MMAB: variants seen among roughly 807,000 people sequenced by gnomAD.
The protein encoded by MMAB is corrinoid adenosyltransferase MMAB.
A neutral mutation model predicts 30.6 loss-of-function variants in MMAB; 17 were observed. That is an observed-to-expected ratio of 0.56 (90% CI 0.38 to 0.83). The LOEUF (loss-of-function observed/expected upper bound fraction) is 0.83, where lower values mean the gene tolerates loss of function less well. MMAB is among the 40% of genes least tolerant of loss of function. MMAB has a pLI of 0.00. For missense variants in MMAB, 311 were observed against 331.6 expected (o/e 0.94, Z 0.48); for synonymous variants, 134 against 138.6 (o/e 0.97, Z 0.23).
chr12:109,564,971 C>A, intron 4 of MMAB, 148 bp downstream of exon 4: 1 of 780,662 alleles, frequency 1.3e-6, no homozygotes, highest in Admixed American at 1.7e-5. Flanking sequence ...CCTGGCCTGT[C>A]CGCATTTTAC....
Position 109,554,313 on chromosome 12 carries a change from G to A in MMAB, c.*2715C>T, listed in dbSNP as rs1284368180. On this transcript the variant is annotated 3_prime_UTR_variant, in exon 9 of 9. Transcript: ENST00000545712. ...CGGGCTGGTGTCACTGTGACTGTGG[G>A]CTTCTCTCTGACACAAGAGCCAACT... The A allele has an allele frequency of 8.8e-6, 4 of 453,962 alleles. No individual in the cohort carries two copies. Among genetic ancestry groups the A allele is most frequent in the South Asian group, 4.7e-5 (3 of 64,482 alleles). The allele number at this position is 453,962 out of a possible 1,614,324, so 28.1% of individuals were successfully genotyped here.
chr12:109,568,870 A>T lies in MMAB; in HGVS notation c.197-7T>A, dbSNP rs1884534638. Reference sequence around the variant, plus strand: ...GTGAAGGTACTAGAAAACCCTGTGGAAAAAAATGTTTAGCCACCCAAATTA... The same window carrying T: ...GTGAAGGTACTAGAAAACCCTGTGGTAAAAAATGTTTAGCCACCCAAATTA... On this transcript the variant is annotated splice_polypyrimidine_tract_variant and splice_region_variant and intron_variant, in intron 2 of 8. Coordinates refer to ENST00000545712, the MANE Select transcript of MMAB (RefSeq NM_052845.4). The T allele has an allele frequency of 6.2e-7, 1 of 1,603,358 alleles. No homozygotes were observed. The highest frequency in any genetic ancestry group is 8.5e-7 in the Non-Finnish European group (1 of 1,170,394).
intron 2 of MMAB, among the ~76,000 whole-genome samples, chr12:109,570,619 C>T (rs557280876): frequency 6.6e-6 from 1 of 152,186 alleles, no homozygotes; most frequent in African/African-American, 2.4e-5. Flanking sequence ...CCTGTAATCC[C>T]AGCATTTTGG....
At chr12:109,557,835 G>A (rs1001213714) in intron 8 of MMAB, among the ~76,000 whole-genome samples, 2 of 152,138 alleles carry the variant, frequency 1.3e-5, no homozygotes, top group African/African-American at 4.8e-5. Context: ...CCAGAGCCCA[G>A]CCCCTTTCCC....
chr12:109,564,083 C>T (rs1187617355), intron 4 of MMAB, among the ~76,000 whole-genome samples: 2 of 152,222 alleles, frequency 1.3e-5, no homozygotes, highest in South Asian at 4.1e-4. Context: ...CGGGCATGAG[C>T]GAGGCACTTC....
chr12:109,556,357 C>T lies in MMAB; in HGVS notation c.*671G>A, dbSNP rs1238302427. On this transcript the variant is annotated 3_prime_UTR_variant, in exon 9 of 9. Transcript: ENST00000545712. Reference sequence around the variant, plus strand: ...GGTAGTGTTGTTCTCATCAGCATCTCCATCCCTTTCAGAGGGGGTCCTCTA... The same window carrying T: ...GGTAGTGTTGTTCTCATCAGCATCTTCATCCCTTTCAGAGGGGGTCCTCTA... 6.6e-6 allele frequency: 3 copies of T among 453,980 alleles called. No individual in the cohort carries two copies. In the Admixed American group the frequency reaches 7.0e-5, roughly 11 times the overall value. 28.1% of individuals were successfully genotyped at this position (453,980 alleles called of 1,614,324 possible).
chr12:109,568,558 C>A, intron 3 of MMAB: 1 of 629,524 alleles, frequency 1.6e-6, no homozygotes, highest in Non-Finnish European at 2.8e-6. Context: ...GGCCAGAGGC[C>A]AGCGCAGGCA....
rs904409660 is a variant in MMAB at position 109,561,401 on chromosome 12, A to T, written c.519+19T>A. The stretch of plus-strand genomic sequence containing the variant: ...AACCTGCCTGCAGCCGCCCCCGGTT[A>T]AGCCTGCCCAGTACCTACAGGCAGG... On this transcript the variant is annotated intron_variant, in intron 6 of 8. Transcript: ENST00000545712. This position sits in a 1 kb window ranked among gnomAD's most constrained non-coding sequence, Gnocchi z 5.3. 2.1e-5 allele frequency: 32 copies of T among 1,549,324 alleles called. No individual in the cohort carries two copies. Among genetic ancestry groups the T allele is most frequent in the Non-Finnish European group, 3.5e-6 (4 of 1,146,162 alleles).
At chr12:109,564,117 GC>G (rs1436212632) in intron 4 of MMAB, among the ~76,000 whole-genome samples, 1 of 152,216 alleles carries the variant, frequency 6.6e-6, no homozygotes, top group African/African-American at 2.4e-5. Flanking sequence ...CAGCCTCGGT[GC>G]TATTGCCATT....
chr12:109,567,766 G>A (rs1296927886), intron 3 of MMAB: 3 of 152,064 alleles, frequency 2.0e-5, no homozygotes, highest in African/African-American at 7.3e-5. Flanking sequence ...TGAGTAGCTG[G>A]GACTACAGGT....
chr12:109,567,893 C>T (rs1453308434), intron 3 of MMAB: 1 of 152,182 alleles, frequency 6.6e-6, no homozygotes, highest in Admixed American at 6.5e-5. Context: ...CCACCTCGGC[C>T]TCCCAAAGCG....
chr12:109,554,583 G>C lies in MMAB; in HGVS notation c.*2445C>G. ...CAAAACCCCGTGTTCCCGTGCAATGGGACTGATTGTTTCTGAGAGTTGCCA... is the reference window on the plus strand; with the variant it reads ...CAAAACCCCGTGTTCCCGTGCAATGCGACTGATTGTTTCTGAGAGTTGCCA... On this transcript the variant is annotated 3_prime_UTR_variant, in exon 9 of 9. Coordinates refer to ENST00000545712, the MANE Select transcript of MMAB (RefSeq NM_052845.4). 1 of 454,120 alleles carries C rather than the reference G, an allele frequency of 2.2e-6. No homozygotes were observed. Among genetic ancestry groups the C allele is most frequent in the South Asian group, 1.6e-5 (1 of 64,476 alleles). The allele number at this position is 454,120 out of a possible 1,614,324, so 28.1% of individuals were successfully genotyped here.
At position 109,561,256 on chromosome 12, in the gene MMAB, C is replaced by T; in HGVS notation, c.520-152G>A. 1 of 1,587,952 alleles carries T rather than the reference C, an allele frequency of 6.3e-7. No homozygotes were observed. Among genetic ancestry groups the T allele is most frequent in the Non-Finnish European group, 8.5e-7 (1 of 1,174,738 alleles). On this transcript the variant is annotated intron_variant, in intron 6 of 8. Transcript: ENST00000545712. This position sits in a 1 kb window ranked among gnomAD's most constrained non-coding sequence, Gnocchi z 5.3. ...CGGCACACCCACCGGGCACGCTGCTCCAGAGTGGGCAGGGCTGGGAGGGAC... is the reference window on the plus strand; with the variant it reads ...CGGCACACCCACCGGGCACGCTGCTTCAGAGTGGGCAGGGCTGGGAGGGAC...
At position 109,569,060 on chromosome 12, in the gene MMAB, C is replaced by T. The variant is rs775424926; in HGVS notation, c.197-197G>A. Among the ~76,000 whole-genome samples, 2 of 152,094 alleles carry T rather than the reference C, an allele frequency of 1.3e-5. No homozygotes were observed. Among genetic ancestry groups the T allele is most frequent in the Non-Finnish European group, 2.9e-5 (2 of 68,024 alleles). ...TCCCAGGTTCAAGTGATTCTCATGC[C>T]TCAGTCTCCCAAGTAGCTGGGATTA... is the stretch of plus-strand genomic sequence containing the variant. On this transcript the variant is annotated intron_variant, in intron 2 of 8. Coordinates refer to ENST00000545712, the MANE Select transcript of MMAB (RefSeq NM_052845.4). The surrounding 1 kb of genome is among the most constrained non-coding windows in gnomAD (Gnocchi z 4.1).
rs1246623901 is a variant in MMAB at position 109,558,984 on chromosome 12, AG to A, written c.644+111del. The A allele has an allele frequency of 1.2e-5, 9 of 781,422 alleles. No individual in the cohort carries two copies. The East Asian group carries it at 2.0e-4, about 18-fold the overall frequency. The allele number at this position is 781,422 out of a possible 1,614,324, so 48.4% of individuals were successfully genotyped here. A position where few individuals can be genotyped will look rare whatever the true frequency, so the allele number is the denominator to read the frequency against. The stretch of plus-strand genomic sequence containing the variant: ...TTCATAAACACTAAGGGAATGAAGG[AG>A]GGGGTGCGGGAATGCTGCCCCACAC... On this transcript the variant is annotated intron_variant, in intron 8 of 8. Coordinates refer to ENST00000545712, the MANE Select transcript of MMAB (RefSeq NM_052845.4). The surrounding 1 kb of genome is among the most constrained non-coding windows in gnomAD (Gnocchi z 4.3).
At chr12:109,559,251 C>T in intron 7 of MMAB, 96 bp from the exon 8 acceptor site, 1 of 918,600 alleles carries the variant, frequency 1.1e-6, no homozygotes, top group Non-Finnish European at 1.8e-6. Flanking sequence ...CATCCTGCCA[C>T]CGCTCAACCT....
At position 109,573,465 on chromosome 12, in the gene MMAB, G is replaced by C. The variant is rs1190176115; in HGVS notation, c.16C>G (p.Leu6Val). 1 of 1,605,870 alleles carries C rather than the reference G, an allele frequency of 6.2e-7. No homozygotes were observed. The highest frequency in any genetic ancestry group is 1.7e-5 in the Admixed American group (1 of 59,646). Residue 6 changes from leucine to valine, a missense_variant, in exon 1 of 9, where the codon CTG becomes GTG. Physicochemically the swap from Leu to Val is conservative, Grantham distance 32 (BLOSUM62 1). Coordinates refer to ENST00000545712, the MANE Select transcript of MMAB (RefSeq NM_052845.4). MAVCG[L>V]GSRLGLGSRL... Reference sequence around the variant, plus strand: ...CTCCCCAGGCCAAGACGGCTCCCCAGGCCGCACACAGCCATGAGCCAGGCT... The same window carrying C: ...CTCCCCAGGCCAAGACGGCTCCCCACGCCGCACACAGCCATGAGCCAGGCT...
rs967101169 is a variant in MMAB, at chr12:109,569,516, G to C, written c.197-653C>G. ...CCATCCTGATAAAGAAATACAACAC[G>C]TTCTATATTTTATATCATATATACA... is the stretch of plus-strand genomic sequence containing the variant. On this transcript the variant is annotated intron_variant, in intron 2 of 8. Coordinates refer to ENST00000545712, the MANE Select transcript of MMAB (RefSeq NM_052845.4). This position sits in a 1 kb window ranked among gnomAD's most constrained non-coding sequence, Gnocchi z 4.1. Among the ~76,000 whole-genome samples, 1 of 152,048 alleles carries C rather than the reference G, an allele frequency of 6.6e-6. No individual in the cohort carries two copies. Among genetic ancestry groups the C allele is most frequent in the Non-Finnish European group, 1.5e-5 (1 of 68,014 alleles).
In MMAB at chr12:109,554,890, G is replaced by A. The variant is rs1402631645; in HGVS notation, c.*2138C>T. ...GGAGAGAAACACCTGCTGAGTGGTG[G>A]CATCTGCCCTGCACCCAGGTGGTTT... On this transcript the variant is annotated 3_prime_UTR_variant, in exon 9 of 9. Transcript: ENST00000545712. 2.2e-6 allele frequency: 1 copy of A among 453,954 alleles called. No individual in the cohort carries two copies. The allele number at this position is 453,954 out of a possible 1,614,324, so 28.1% of individuals were successfully genotyped here.
Sources: allele counts gnomAD v4.1 joint callset (sites outside exome capture counted in the v4.1 genomes callset), GRCh38; gene constraint gnomAD v4.1.1; non-coding constraint Gnocchi (gnomAD v3.1); transcripts MANE v1.5; gene names NCBI Gene and HGNC (gene_info 2026-07-23, HGNC 2026-07-21).